ZDHHC21: variants seen among roughly 807,000 people sequenced by gnomAD.
ZDHHC21 encodes the protein palmitoyltransferase ZDHHC21.
A neutral mutation model predicts 34.6 loss-of-function variants in ZDHHC21; 15 were observed. The ratio of observed to expected loss-of-function variants is 0.43; its 90% CI spans 0.29 to 0.67. The LOEUF (loss-of-function observed/expected upper bound fraction) is 0.67, where lower values mean the gene tolerates loss of function less well. Among genes scored for constraint, ZDHHC21 ranks in the 30% least tolerant of loss-of-function variants. ZDHHC21 has a pLI of 0.14. For synonymous variants in ZDHHC21, 142 were observed against 101.8 expected (o/e 1.40, Z -2.38); for missense variants, 344 against 327.7 (o/e 1.05, Z -0.38).
chr9:14,591,288 A>C, the ZDHHC21 span, among the ~76,000 whole-genome samples: 3 of 151,930 alleles, frequency 2.0e-5, no homozygotes, highest in South Asian at 6.2e-4. Flanking sequence ...GACCTTTAGG[A>C]GATTATTAGG....
intron 8 of ZDHHC21, among the ~76,000 whole-genome samples, chr9:14,623,661 G>GA (rs1274385218): frequency 8.0e-6 from 1 of 125,568 alleles, no homozygotes; most frequent in Non-Finnish European, 1.7e-5. Context: ...AAAAAAAAAA[G>GA]AGAGAGAAAA....
At chr9:14,651,425 A>G (rs941506382) in intron 7 of ZDHHC21, among the ~76,000 whole-genome samples, 1 of 151,872 alleles carries the variant, frequency 6.6e-6, no homozygotes, top group African/African-American at 2.4e-5. Flanking sequence ...ACTTAGGGAC[A>G]TGGGCCCAAA....
the ZDHHC21 span, among the ~76,000 whole-genome samples, chr9:14,605,282 C>T: frequency 6.6e-6 from 1 of 151,466 alleles, no homozygotes; most frequent in Non-Finnish European, 1.5e-5. Context: ...AACTTCCATA[C>T]TGTTTTTCAA....
At chr9:14,673,873 A>G (rs892339931) in intron 4 of ZDHHC21, among the ~76,000 whole-genome samples, 1 of 152,036 alleles carries the variant, frequency 6.6e-6, no homozygotes, top group Non-Finnish European at 1.5e-5. Context: ...TACATTTGTA[A>G]TTAGGTACAA....
downstream of ZDHHC21, among the ~76,000 whole-genome samples, chr9:14,608,527 T>G (rs1823091347): frequency 6.6e-6 from 1 of 152,188 alleles, no homozygotes; most frequent in Non-Finnish European, 1.5e-5. Flanking sequence ...CTATTTTTAT[T>G]GTGTTTGATC....
At chr9:14,681,795 T>C (rs1037258710) in intron 2 of ZDHHC21, among the ~76,000 whole-genome samples, 5 of 150,800 alleles carry the variant, frequency 3.3e-5, no homozygotes, top group African/African-American at 1.2e-4. Flanking sequence ...ACAGGAGGCA[T>C]ACTAAAAATG....
chr9:14,680,360 G>C (rs1250720574), intron 2 of ZDHHC21, among the ~76,000 whole-genome samples, 198 bp from the exon 3 acceptor site: 1 of 152,010 alleles, frequency 6.6e-6, no homozygotes, highest in East Asian at 1.9e-4. Context: ...TTATATCTGA[G>C]AGTCTTTTAA....
chr9:14,626,303 A>C (rs1179173631), intron 8 of ZDHHC21, among the ~76,000 whole-genome samples: 1 of 151,984 alleles, frequency 6.6e-6, no homozygotes, highest in Non-Finnish European at 1.5e-5. Context: ...CCTATGTTTT[A>C]ATGTCAGATT....
intron 5 of ZDHHC21, among the ~76,000 whole-genome samples, chr9:14,664,453 G>A (rs373451607): frequency 0.13 from 19,335 of 151,500 alleles, 1,596 homozygotes; most frequent in East Asian, 0.32. Flanking sequence ...CCATTGCCCA[G>A]GCTTGCTTAG....
intron 8 of ZDHHC21, chr9:14,622,486 G>A: frequency 1.8e-5 from 18 of 978,932 alleles, no homozygotes; most frequent in Non-Finnish European, 2.2e-5. Flanking sequence ...AGAGGTTGCA[G>A]GGGGGTGGGA....
Position 14,693,394 on chromosome 9 carries a change from T to C in ZDHHC21, c.-390A>G, listed in dbSNP as rs1056775512. The C allele has an allele frequency of 6.1e-6, 2 of 326,794 alleles. No homozygotes were observed. Among genetic ancestry groups the C allele is most frequent in the African/African-American group, 2.3e-5 (1 of 43,256 alleles). 20.2% of individuals were successfully genotyped at this position (326,794 alleles called of 1,614,324 possible). A position where few individuals can be genotyped will look rare whatever the true frequency, so the allele number is the denominator to read the frequency against. ...TGAGGGCCTGGACCGGCCGAGTGGG[T>C]GTCCGCATGCCCGCGCGCCCGCGTG... On this transcript the variant is annotated 5_prime_UTR_variant, in exon 1 of 10. Coordinates refer to ENST00000380916, the MANE Select transcript of ZDHHC21 (RefSeq NM_178566.6).
chr9:14,689,565 G>A (rs1254776360), intron 2 of ZDHHC21, among the ~76,000 whole-genome samples: 1 of 152,142 alleles, frequency 6.6e-6, no homozygotes, highest in Non-Finnish European at 1.5e-5. Context: ...GTTTTTGTGT[G>A]CACCAGTCTC....
At chr9:14,600,199 A>C in the ZDHHC21 span, among the ~76,000 whole-genome samples, 148 of 152,328 alleles carry the variant, frequency 9.7e-4, 2 homozygotes, top group African/African-American at 3.5e-3. Context: ...TCAAATAGGA[A>C]GAGAGGAAGT....
chr9:14,630,757 A>G (rs1827190228), intron 8 of ZDHHC21, among the ~76,000 whole-genome samples: 3 of 152,196 alleles, frequency 2.0e-5, no homozygotes, highest in Admixed American at 1.3e-4. Context: ...CTCCTTGTAT[A>G]TCTTCATCAG....
intron 7 of ZDHHC21, among the ~76,000 whole-genome samples, chr9:14,652,359 T>A (rs534842392): frequency 1.3e-5 from 2 of 151,930 alleles, no homozygotes; most frequent in Non-Finnish European, 2.9e-5. Flanking sequence ...AATTTGGGCA[T>A]TGATTCATGA....
chr9:14,691,963 T>C (rs1486767315), intron 1 of ZDHHC21, among the ~76,000 whole-genome samples: 2 of 152,144 alleles, frequency 1.3e-5, no homozygotes, highest in African/African-American at 2.4e-5. Context: ...ATAGAGAAAA[T>C]AACATGGGTC....
chr9:14,589,602 T>C, the ZDHHC21 span: 1 of 152,052 alleles, frequency 6.6e-6, no homozygotes, highest in Non-Finnish European at 1.5e-5. Context: ...CACACTTGAG[T>C]AGGATGAGAC....
At chr9:14,669,064 C>T (rs1304732999) in intron 5 of ZDHHC21, among the ~76,000 whole-genome samples, 4 of 137,234 alleles carry the variant, frequency 2.9e-5, no homozygotes, top group Non-Finnish European at 6.3e-5. Context: ...AGTGAACAGG[C>T]AACCTACAAA....
At chr9:14,605,730 C>T in the ZDHHC21 span, among the ~76,000 whole-genome samples, 1 of 152,114 alleles carries the variant, frequency 6.6e-6, no homozygotes, top group Non-Finnish European at 1.5e-5. Flanking sequence ...GTTGCTTGTG[C>T]TTTTGGTGTT....
Sources: gnomAD v4.1 joint callset for allele counts (sites outside exome capture counted in the v4.1 genomes callset) on GRCh38, gnomAD v4.1.1 for gene constraint, MANE v1.5 for transcripts, NCBI Gene and HGNC (gene_info 2026-07-23, HGNC 2026-07-21) for gene names.